ADGRV1: variants seen among roughly 807,000 people sequenced by gnomAD.
The protein encoded by ADGRV1 is G-protein coupled receptor 98.
Under a neutral mutation model 596.2 loss-of-function variants are expected in ADGRV1, and 359 were observed. That is an observed-to-expected ratio of 0.60 (90% CI 0.55 to 0.66). The LOEUF (loss-of-function observed/expected upper bound fraction) is 0.66. ADGRV1 is among the 30% of genes least tolerant of loss of function. The pLI, the probability that ADGRV1 is intolerant of heterozygous loss-of-function variation, is 0.00. For synonymous variants in ADGRV1, 2,681 were observed against 2,679.2 expected (o/e 1.00, Z -0.02); for missense variants, 7,274 against 7,575.6 (o/e 0.96, Z 1.48).
intron 83 of ADGRV1, among the ~76,000 whole-genome samples, chr5:90,889,555 G>C (rs1770614051): frequency 6.6e-6 from 1 of 151,976 alleles, no homozygotes; most frequent in African/African-American, 2.4e-5. Context: ...GAAACTTCTG[G>C]TGAATCTTTC....
At chr5:90,976,773 T>C (rs146405105) in intron 84 of ADGRV1, among the ~76,000 whole-genome samples, 3 of 152,346 alleles carry the variant, frequency 2.0e-5, no homozygotes, top group African/African-American at 7.2e-5. Flanking sequence ...AATGATTGTA[T>C]AGCAGTCTGC....
At position 90,850,087 on chromosome 5, in the gene ADGRV1, C is replaced by T. The variant is rs374477525; in HGVS notation, c.17204+1266C>T. ...TTCATGGAGAGGCCTGGACTCAACCCCAGACTTACTTGAGTCTACAGCCCC... is the reference window on the plus strand; with the variant it reads ...TTCATGGAGAGGCCTGGACTCAACCTCAGACTTACTTGAGTCTACAGCCCC... On this transcript the variant is annotated intron_variant, in intron 79 of 89. Coordinates refer to ENST00000405460, the MANE Select transcript of ADGRV1 (RefSeq NM_032119.4). 9.9e-5 allele frequency among the ~76,000 whole-genome samples: 15 copies of T among 152,212 alleles called. 1 individual carries two copies. The South Asian group carries it at 3.1e-3, about 32-fold the overall frequency.
intron 34 of ADGRV1, among the ~76,000 whole-genome samples, chr5:90,701,166 G>T (rs894314339): frequency 1.3e-5 from 2 of 152,068 alleles, no homozygotes; most frequent in African/African-American, 4.8e-5. Flanking sequence ...GGGTTGTTCT[G>T]CCTTTCATCT....
intron 34 of ADGRV1, among the ~76,000 whole-genome samples, chr5:90,701,606 ATGTG>A (rs879517426): frequency 2.0e-5 from 3 of 151,710 alleles, no homozygotes; most frequent in Non-Finnish European, 3.0e-5. Flanking sequence ...GTTTGTGTAT[ATGTG>A]TGTGTGTATC....
chr5:90,922,959 T>C (rs1452654967), intron 83 of ADGRV1, among the ~76,000 whole-genome samples: 4 of 152,214 alleles, frequency 2.6e-5, no homozygotes, highest in Admixed American at 6.5e-5. Flanking sequence ...ATCTGCTACA[T>C]AGTGGCTCCT....
intron 70 of ADGRV1, chr5:90,793,294 C>G (rs1036389686): frequency 2.0e-5 from 3 of 152,132 alleles, no homozygotes; most frequent in African/African-American, 7.2e-5. Context: ...ATACAATATG[C>G]CTAAATTGTG....
intron 25 of ADGRV1, among the ~76,000 whole-genome samples, chr5:90,677,441 C>G (rs566495467): frequency 2.0e-5 from 3 of 152,084 alleles, no homozygotes; most frequent in Admixed American, 1.3e-4. Flanking sequence ...TCTTGTCTTC[C>G]AGAGACAAGT....
intron 87 of ADGRV1, among the ~76,000 whole-genome samples, chr5:91,107,002 A>T (rs771401634): frequency 6.6e-6 from 1 of 152,200 alleles, no homozygotes; most frequent in African/African-American, 2.4e-5. Context: ...CTGAGGAGCA[A>T]TGCGGTCTAC....
chr5:90,899,834 G>T (rs1015043697), intron 83 of ADGRV1, among the ~76,000 whole-genome samples: 1 of 151,904 alleles, frequency 6.6e-6, no homozygotes, highest in African/African-American at 2.4e-5. Context: ...CTCTGATAAC[G>T]AGAGCAAGGT....
Position 90,706,355 on chromosome 5 carries a change from A to G in ADGRV1, c.8691A>G (p.Glu2897=), listed in dbSNP as rs201586455. The part of the protein sequence containing the change: ...VPIIGFLILE[E]GETAAAINIT... ...TCATTGGCTTTCTGATTTTAGAAGA[A>G]GGGGAAACAGCAGCAGCCATCAACA... Residue 2897 remains glutamate (E), a synonymous_variant, in exon 38 of 90, where the codon GAA becomes GAG. Coordinates refer to ENST00000405460, the MANE Select transcript of ADGRV1 (RefSeq NM_032119.4). 3 of 1,612,502 alleles carry G rather than the reference A, an allele frequency of 1.9e-6. No individual in the cohort carries two copies. The highest frequency in any genetic ancestry group is 2.2e-5 in the East Asian group (1 of 44,828).
chr5:90,632,751 C>CCACTAATT (rs1260356341), intron 9 of ADGRV1, among the ~76,000 whole-genome samples: 2 of 152,270 alleles, frequency 1.3e-5, no homozygotes, highest in East Asian at 3.9e-4. Context: ...GAAAGTTGCA[C>CCACTAATT]CACTAATTTC....
At position 91,110,072 on chromosome 5, in the gene ADGRV1, A is replaced by G. The variant is rs57827669; in HGVS notation, c.18432+7732A>G. Among the ~76,000 whole-genome samples, 1,031 of 152,334 alleles carry G rather than the reference A, an allele frequency of 6.8e-3. 16 individuals are homozygous for G. Among genetic ancestry groups the G allele is most frequent in the African/African-American group, 0.019 (791 of 41,574 alleles). ...TCTATATTGTCCACAAGAAATTCAT[A>G]AGAAACTATGTTTAATATTTTTTAT... is the stretch of plus-strand genomic sequence containing the variant. On this transcript the variant is annotated intron_variant, in intron 87 of 89. Coordinates refer to ENST00000405460, the MANE Select transcript of ADGRV1 (RefSeq NM_032119.4).
intron 83 of ADGRV1, among the ~76,000 whole-genome samples, chr5:90,930,597 T>G (rs968331855): frequency 6.6e-6 from 1 of 152,016 alleles, no homozygotes; most frequent in Non-Finnish European, 1.5e-5. Flanking sequence ...CAAATATTAG[T>G]GTTAGCCAAA....
At position 90,779,098 on chromosome 5, in the gene ADGRV1, G is replaced by A. The variant is rs765196604; in HGVS notation, c.13082+1G>A. On this transcript the variant is annotated splice_donor_variant, in intron 64 of 89. Transcript: ENST00000405460. LOFTEE classifies it high-confidence loss of function. The stretch of plus-strand genomic sequence containing the variant: ...TTACAAAGGTGGAACTCCAGGGAAG[G>A]TAAAGGAGAAAGGCAATTAGGAAAA... 1 of 1,579,260 alleles carries A rather than the reference G, an allele frequency of 6.3e-7. No individual in the cohort carries two copies. Among genetic ancestry groups the A allele is most frequent in the Non-Finnish European group, 8.7e-7 (1 of 1,149,416 alleles).
At chr5:90,618,973 T>C (rs1397754566) in intron 3 of ADGRV1, 113 bp from the exon 4 acceptor site, 4 of 474,684 alleles carry the variant, frequency 8.4e-6, no homozygotes, top group Non-Finnish European at 1.5e-5. Flanking sequence ...AGATTACATA[T>C]GTATTTTTAT....
At chr5:90,560,518 G>T (rs1430400998) in intron 1 of ADGRV1, among the ~76,000 whole-genome samples, 1 of 152,046 alleles carries the variant, frequency 6.6e-6, no homozygotes, top group Non-Finnish European at 1.5e-5. Context: ...CAGAGTTCCA[G>T]TTTATAAGAA....
intron 85 of ADGRV1, among the ~76,000 whole-genome samples, chr5:91,042,528 A>G (rs1050070668): frequency 2.6e-5 from 4 of 152,050 alleles, no homozygotes; most frequent in African/African-American, 9.7e-5. Context: ...CAAATTGCAC[A>G]AGTCTCTCTC....
chr5:90,856,730 T>C (rs1296549755), intron 82 of ADGRV1, among the ~76,000 whole-genome samples: 3 of 152,204 alleles, frequency 2.0e-5, no homozygotes, highest in African/African-American at 7.2e-5. Flanking sequence ...CTAATTATGC[T>C]GTTAGCTAGT....
chr5:90,707,589 A>G (rs1304120947), intron 38 of ADGRV1, among the ~76,000 whole-genome samples: 2 of 152,194 alleles, frequency 1.3e-5, no homozygotes, highest in African/African-American at 4.8e-5. Context: ...TTATGTCAGT[A>G]TATGGGATAT....
Sources: allele counts gnomAD v4.1 joint callset (sites outside exome capture counted in the v4.1 genomes callset), GRCh38; gene constraint gnomAD v4.1.1; transcripts MANE v1.5; gene names NCBI Gene and HGNC (gene_info 2026-07-23, HGNC 2026-07-21).